Variants in ADARB2 observed in about 807,000 individuals in gnomAD.
The protein encoded by ADARB2 is inactive double-stranded RNA-specific editase B2.
A neutral mutation model predicts 62.2 loss-of-function variants in ADARB2; 25 were observed. The ratio of observed to expected loss-of-function variants is 0.40; its 90% CI spans 0.29 to 0.56. ADARB2 has a LOEUF of 0.56. Among genes scored for constraint, ADARB2 ranks in the 20% least tolerant of loss-of-function variants. The pLI is 0.43. For missense variants in ADARB2, 1,071 were observed against 1,077.4 expected (o/e 0.99, Z 0.08); for synonymous variants, 572 against 500.8 (o/e 1.14, Z -1.90).
At chr10:1,706,538 T>C (rs143387439) in intron 1 of ADARB2, among the ~76,000 whole-genome samples, 13 of 152,336 alleles carry the variant, frequency 8.5e-5, no homozygotes, top group African/African-American at 3.1e-4. Context: ...CAAATCCAAA[T>C]GGTGTTCCAG....
intron 1 of ADARB2, among the ~76,000 whole-genome samples, chr10:1,482,596 G>A (rs1041087524): frequency 1.3e-5 from 2 of 152,156 alleles, no homozygotes; most frequent in Non-Finnish European, 2.9e-5. Flanking sequence ...TGGATGGTGA[G>A]GTGTTGGCAC....
At chr10:1,557,779 G>A (rs952870486) in intron 1 of ADARB2, among the ~76,000 whole-genome samples, 1 of 152,068 alleles carries the variant, frequency 6.6e-6, no homozygotes, top group Non-Finnish European at 1.5e-5. Flanking sequence ...GGGGGTAGTG[G>A]TGGGCATCTG....
At chr10:1,737,027 G>T in intron 1 of ADARB2, 24 bp downstream of exon 1, 1 of 1,607,140 alleles carries the variant, frequency 6.2e-7, no homozygotes, top group African/African-American at 1.3e-5. Flanking sequence ...GGGGGCAGGG[G>T]CCGGCGCGCC....
chr10:1,404,491 G>A (rs1284063584), intron 1 of ADARB2, among the ~76,000 whole-genome samples: 4 of 152,212 alleles, frequency 2.6e-5, no homozygotes, highest in Admixed American at 6.5e-5. Flanking sequence ...AACCAGCGTG[G>A]GCTCCACTCC....
intron 1 of ADARB2, among the ~76,000 whole-genome samples, chr10:1,726,827 C>A (rs1471515223): frequency 6.6e-6 from 1 of 151,974 alleles, no homozygotes; most frequent in African/African-American, 2.4e-5. Flanking sequence ...GTGTGTGCAT[C>A]CCAGTGAGAC....
chr10:1,642,497 G>C lies in ADARB2; in HGVS notation c.100+94554C>G, dbSNP rs138775967. Among the ~76,000 whole-genome samples the C allele has an allele frequency of 5.6e-4, 85 of 152,226 alleles. No individual in the cohort carries two copies. The East Asian group carries it at 9.3e-3, about 17-fold the overall frequency. On this transcript the variant is annotated intron_variant, in intron 1 of 9. Coordinates refer to ENST00000381312, the MANE Select transcript of ADARB2 (RefSeq NM_018702.4). ...ATTTATTACAATTAAGTATTTCCCA[G>C]TTGTTATGGCTCAAATAACATATTA...
At chr10:1,687,497 C>T (rs112219275) in intron 1 of ADARB2, among the ~76,000 whole-genome samples, 4 of 151,918 alleles carry the variant, frequency 2.6e-5, no homozygotes, top group East Asian at 1.9e-4. Context: ...AATAAAGCTG[C>T]GATCCAAAAT....
At chr10:1,643,721 C>T (rs774875112) in intron 1 of ADARB2, among the ~76,000 whole-genome samples, 9 of 152,196 alleles carry the variant, frequency 5.9e-5, no homozygotes, top group Non-Finnish European at 8.8e-5. Flanking sequence ...TTCCAGCCTC[C>T]GCATGCAGCT....
chr10:1,715,169 G>C (rs867642602), intron 1 of ADARB2, among the ~76,000 whole-genome samples: 1 of 151,938 alleles, frequency 6.6e-6, no homozygotes, highest in African/African-American at 2.4e-5. Flanking sequence ...TTATTAGAAA[G>C]CAAGAAGTCT....
intron 1 of ADARB2, among the ~76,000 whole-genome samples, chr10:1,523,443 G>A (rs1832099917): frequency 6.6e-6 from 1 of 152,258 alleles, no homozygotes; most frequent in East Asian, 1.9e-4. Context: ...CAAGAACAAA[G>A]CCCCTATGCT....
At chr10:1,561,774 C>G (rs192471400) in intron 1 of ADARB2, among the ~76,000 whole-genome samples, 31 of 152,256 alleles carry the variant, frequency 2.0e-4, no homozygotes, top group Admixed American at 9.8e-4. Context: ...CCTTCAGGGG[C>G]TCCTTGGCAC....
At position 1,183,820 on chromosome 10, in the gene ADARB2, A is replaced by G. The variant is rs148821289; in HGVS notation, c.2044-451T>C. On this transcript the variant is annotated intron_variant, in intron 9 of 9. Coordinates refer to ENST00000381312, the MANE Select transcript of ADARB2 (RefSeq NM_018702.4). ...TGCAGCAACACAAGACAGGGATCAA[A>G]TGCAGCTCTGATACCCCCACCACGG... Among the ~76,000 whole-genome samples the G allele has an allele frequency of 2.3e-3, 350 of 152,314 alleles. 4 individuals carry two copies. The highest frequency in any genetic ancestry group is 7.9e-3 in the African/African-American group (329 of 41,572).
rs189299062 is a variant in ADARB2, at chr10:1,347,738, C to T, written c.1077+15290G>A. Among the ~76,000 whole-genome samples the T allele has an allele frequency of 6.6e-5, 10 of 152,284 alleles. No homozygotes were observed. The East Asian group carries it at 1.4e-3, about 21-fold the overall frequency. On this transcript the variant is annotated intron_variant, in intron 3 of 9. Coordinates refer to ENST00000381312, the MANE Select transcript of ADARB2 (RefSeq NM_018702.4). ...GCCTCCCGACAGCGCTCACAGGTAA[C>T]GCCCTCCTCTGGACCCCACGTACGC... is the stretch of plus-strand genomic sequence containing the variant.
chr10:1,481,147 A>G (rs1345417295), intron 1 of ADARB2, among the ~76,000 whole-genome samples: 3 of 152,246 alleles, frequency 2.0e-5, no homozygotes, highest in African/African-American at 7.2e-5. Context: ...CAGAGGGCTC[A>G]GAAATAAACC....
chr10:1,185,755 A>C (rs1836747943), intron 8 of ADARB2, among the ~76,000 whole-genome samples: 1 of 152,206 alleles, frequency 6.6e-6, no homozygotes, highest in Non-Finnish European at 1.5e-5. Flanking sequence ...CTGTCCAGAG[A>C]GAGCCGGCAT....
chr10:1,608,781 A>AAAG (rs1490635841), intron 1 of ADARB2, among the ~76,000 whole-genome samples: 1 of 150,642 alleles, frequency 6.6e-6, no homozygotes, highest in East Asian at 2.0e-4. Flanking sequence ...AAAGAGAAAG[A>AAAG]AAGAAAGAAA....
At chr10:1,229,716 T>TATGTA (rs1564228177) in intron 6 of ADARB2, among the ~76,000 whole-genome samples, 10 of 22,538 alleles carry the variant, frequency 4.4e-4, no homozygotes, top group Middle Eastern at 0.014. Flanking sequence ...GTATGCGTGT[T>TATGTA]CATGTGTGCA....
intron 1 of ADARB2, among the ~76,000 whole-genome samples, chr10:1,389,999 G>A (rs975379616): frequency 2.0e-5 from 3 of 151,878 alleles, no homozygotes; most frequent in African/African-American, 4.8e-5. Flanking sequence ...ACTCACATAG[G>A]GATATTTATT....
At chr10:1,560,747 G>C (rs557283566) in intron 1 of ADARB2, among the ~76,000 whole-genome samples, 1 of 152,332 alleles carries the variant, frequency 6.6e-6, no homozygotes, top group Admixed American at 6.5e-5. Flanking sequence ...TGTCGGAGCA[G>C]ACGCAGCCTC....
Sources: allele counts gnomAD v4.1 joint callset (sites outside exome capture counted in the v4.1 genomes callset), GRCh38; gene constraint gnomAD v4.1.1; transcripts MANE v1.5; gene names NCBI Gene and HGNC (gene_info 2026-07-23, HGNC 2026-07-21).